Variants in HNRNPM observed in about 807,000 individuals in gnomAD.
HNRNPM encodes the protein heterogeneous nuclear ribonucleoprotein M.
A neutral mutation model predicts 73.1 loss-of-function variants in HNRNPM; 11 were observed. The ratio of observed to expected loss-of-function variants is 0.15; its 90% CI spans 0.09 to 0.25. The LOEUF is 0.25. Ranked by LOEUF, HNRNPM falls within the 10% of genes least tolerant of loss-of-function variation. The probability of loss-of-function intolerance (pLI) is 1.00; values close to 1 mark genes in which losing one functional copy is unlikely to be tolerated. For synonymous variants in HNRNPM, 407 were observed against 355.2 expected, an observed-to-expected ratio of 1.15 and a Z score of -1.64; for missense variants, 789 against 1,067.9, an observed-to-expected ratio of 0.74 and a Z score of 3.64.
intron 12 of HNRNPM, among the ~76,000 whole-genome samples, chr19:8,481,163 C>CT (rs1970890245): frequency 6.6e-6 from 1 of 152,214 alleles, no homozygotes; most frequent in African/African-American, 2.4e-5. Flanking sequence ...AACAGCTGTA[C>CT]TTGCTGCTTC....
chr19:8,468,686 C>A, intron 8 of HNRNPM, 88 bp from the exon 9 acceptor site: 1 of 975,182 alleles, frequency 1.0e-6, no homozygotes, highest in Non-Finnish European at 1.6e-6. Flanking sequence ...AGCTGGTCCT[C>A]TCTTGATGGG....
At chr19:8,477,889 C>G (rs1465212039) in intron 12 of HNRNPM, among the ~76,000 whole-genome samples, 2 of 152,172 alleles carry the variant, frequency 1.3e-5, no homozygotes, top group South Asian at 2.1e-4. Context: ...TGCCTCACCT[C>G]TCACCAGCAT....
At chr19:8,453,872 T>A (rs2145623057) in intron 1 of HNRNPM, among the ~76,000 whole-genome samples, 1 of 152,296 alleles carries the variant, frequency 6.6e-6, no homozygotes, top group East Asian at 1.9e-4. Context: ...TACCTAGAGA[T>A]GGTTAGTGTT....
chr19:8,445,379 C>A, intron 1 of HNRNPM: 1 of 344,364 alleles, frequency 2.9e-6, no homozygotes, highest in Non-Finnish European at 5.2e-6. Context: ...GCCTCAGGCC[C>A]AGCTGCTGCG....
At chr19:8,445,317 C>T (rs1968062619) in intron 1 of HNRNPM, 1 of 417,936 alleles carries the variant, frequency 2.4e-6, no homozygotes, top group African/African-American at 2.1e-5. Flanking sequence ...CACCGGGCCT[C>T]GAGCCTCGCC....
intron 12 of HNRNPM, among the ~76,000 whole-genome samples, chr19:8,476,399 T>G (rs1970507790): frequency 6.6e-6 from 1 of 152,110 alleles, no homozygotes; most frequent in South Asian, 2.1e-4. Context: ...GCCATTATGG[T>G]CATGGGTGCT....
At chr19:8,476,075 A>G (rs1334606286) in intron 12 of HNRNPM, among the ~76,000 whole-genome samples, 1 of 151,990 alleles carries the variant, frequency 6.6e-6, no homozygotes, top group South Asian at 2.1e-4. Flanking sequence ...GGCAGGTGTA[A>G]TCTCGCAGTC....
intron 1 of HNRNPM, among the ~76,000 whole-genome samples, chr19:8,451,650 T>G (rs1203382287): frequency 6.6e-6 from 1 of 152,112 alleles, no homozygotes; most frequent in East Asian, 1.9e-4. Context: ...CTGTCTTCTT[T>G]CTGCATAGCT....
At chr19:8,463,728 T>C in intron 5 of HNRNPM, 42 bp downstream of exon 5, 1 of 1,310,032 alleles carries the variant, frequency 7.6e-7, no homozygotes, top group East Asian at 2.3e-5. Flanking sequence ...GTGTAATTGT[T>C]GAGTGATCCT....
chr19:8,482,248 C>T (rs984476198), intron 12 of HNRNPM, among the ~76,000 whole-genome samples: 9 of 152,298 alleles, frequency 5.9e-5, no homozygotes, highest in South Asian at 2.1e-4. Flanking sequence ...TGAGCTACTG[C>T]GCGGCCGGGG....
chr19:8,463,716 G>C, intron 5 of HNRNPM, 30 bp downstream of exon 5: 1 of 1,405,870 alleles, frequency 7.1e-7, no homozygotes. Context: ...TGCGGATACT[G>C]TGTGTAATTG....
rs181242325 is a variant in HNRNPM, at chr19:8,474,609, A to G, written c.1120+365A>G. Reference sequence around the variant, plus strand: ...AGGGTTGTTCTTGGTCATCTGCCCCAGCTACAAGTTGTCTATAGAGGCGTT... The same window carrying G: ...AGGGTTGTTCTTGGTCATCTGCCCCGGCTACAAGTTGTCTATAGAGGCGTT... On this transcript the variant is annotated intron_variant, in intron 12 of 15. Coordinates refer to ENST00000325495, the MANE Select transcript of HNRNPM (RefSeq NM_005968.5). Among the ~76,000 whole-genome samples, 172 of 152,230 alleles carry G rather than the reference A, an allele frequency of 1.1e-3. 1 individual carries two copies. The highest frequency in any genetic ancestry group is 3.7e-3 in the African/African-American group (152 of 41,534).
At position 8,486,256 on chromosome 19, in the gene HNRNPM, G is replaced by A. The variant is rs1304089413; in HGVS notation, c.1828G>A (p.Ala610Thr). 1 of 1,602,904 alleles carries A rather than the reference G, an allele frequency of 6.2e-7. No homozygotes were observed. ...CGCTGGCATTGAGCGCATGGGCCTGGCCATGGGTGGCGGTGGCGGTGCCAG... is the reference window on the plus strand; with the variant it reads ...CGCTGGCATTGAGCGCATGGGCCTGACCATGGGTGGCGGTGGCGGTGCCAG... ...LGAGIERMGL[A>T]MGGGGGASFD... is the part of the protein sequence containing the mutation. The change falls in exon 14 of 16, where the codon GCC becomes ACC. Residue 610 changes from alanine (A) to threonine (T), a missense_variant. Coordinates refer to ENST00000325495, the MANE Select transcript of HNRNPM (RefSeq NM_005968.5).
chr19:8,471,501 T>C, intron 10 of HNRNPM, 74 bp downstream of exon 10: 2 of 747,942 alleles, frequency 2.7e-6, no homozygotes. Flanking sequence ...AACTGGACTT[T>C]GAGTAGTTTA....
chr19:8,472,395 C>G (rs149416409), intron 10 of HNRNPM, among the ~76,000 whole-genome samples: 3 of 152,104 alleles, frequency 2.0e-5, no homozygotes, highest in African/African-American at 7.2e-5. Context: ...TCCCTAGACT[C>G]TCTTCCAGAG....
At position 8,464,646 on chromosome 19, in the gene HNRNPM, TCTTAA is replaced by T. The variant is rs1969618325; in HGVS notation, c.439-674_439-670del. Among the ~76,000 whole-genome samples, 3 of 152,252 alleles carry T rather than the reference TCTTAA, an allele frequency of 2.0e-5. No individual in the cohort carries two copies. In the South Asian group the frequency reaches 6.2e-4, roughly 32 times the overall value. ...AAGCTCTGTCTCAAAAAAACATCCC[TCTTAA>T]CTTCTTTTCACCTCTTCTCTTGGGG... On this transcript the variant is annotated intron_variant, in intron 5 of 15. Coordinates refer to ENST00000325495, the MANE Select transcript of HNRNPM (RefSeq NM_005968.5).
intron 7 of HNRNPM, among the ~76,000 whole-genome samples, chr19:8,466,820 C>A: frequency 1.2e-5 from 1 of 82,274 alleles, no homozygotes; most frequent in African/African-American, 4.2e-5. Context: ...TAGAGTGAGA[C>A]TCAGTCTCAA....
At chr19:8,448,050 C>G (rs1038214964) in intron 1 of HNRNPM, among the ~76,000 whole-genome samples, 1 of 152,114 alleles carries the variant, frequency 6.6e-6, no homozygotes, top group African/African-American at 2.4e-5. Context: ...AACAAGAACA[C>G]TGAAGTTGCT....
chr19:8,483,943 T>G (rs1416838335), intron 13 of HNRNPM, among the ~76,000 whole-genome samples: 1 of 151,878 alleles, frequency 6.6e-6, no homozygotes, highest in Non-Finnish European at 1.5e-5. Context: ...TTTTTTGATT[T>G]TTTTTGTAGA....
Sources: allele counts gnomAD v4.1 joint callset (sites outside exome capture counted in the v4.1 genomes callset), GRCh38; gene constraint gnomAD v4.1.1; transcripts MANE v1.5; gene names NCBI Gene and HGNC (gene_info 2026-07-23, HGNC 2026-07-21).